DAB1: variants seen among roughly 807,000 people sequenced by gnomAD.
DAB1 encodes disabled homolog 1.
Under a neutral mutation model 64.6 loss-of-function variants are expected in DAB1, and 15 were observed. The observed-to-expected ratio is 0.23, with a 90% confidence interval of 0.16 to 0.36. The LOEUF (loss-of-function observed/expected upper bound fraction) is 0.36, where lower values mean the gene tolerates loss of function less well. DAB1 is among the 10% of genes least tolerant of loss of function. The pLI, the probability that DAB1 is intolerant of heterozygous loss-of-function variation, is 1.00. For missense variants in DAB1, 596 were observed against 706.7 expected (o/e 0.84, Z 1.78); for synonymous variants, 235 against 251.9 (o/e 0.93, Z 0.64).
intron 7 of DAB1, among the ~76,000 whole-genome samples, chr1:57,577,678 G>T (rs1462376991): frequency 6.6e-6 from 1 of 152,126 alleles, no homozygotes; most frequent in Non-Finnish European, 1.5e-5. Flanking sequence ...CCACTCTAGG[G>T]GGAGGGGTGG....
In DAB1 at chr1:57,145,320, C is replaced by T; in HGVS notation, c.177G>A (p.Lys59=). The T allele has an allele frequency of 1.2e-6, 2 of 1,614,070 alleles. No homozygotes were observed. The highest frequency in any genetic ancestry group is 1.7e-6 in the Non-Finnish European group (2 of 1,179,966). The change falls in exon 3 of 15, where the codon AAG becomes AAA. Residue 59 remains lysine (K), a synonymous_variant. Coordinates refer to ENST00000371236, the MANE Select transcript of DAB1 (RefSeq NM_001365792.1). ...IDEVSAARGD[K]LCQDSMMKLK... Reference sequence around the variant, plus strand: ...GTTTCATCATGGAATCTTGACATAACTTGTCTCCCCGAGCTGCGGAAACTT... The same window carrying T: ...GTTTCATCATGGAATCTTGACATAATTTGTCTCCCCGAGCTGCGGAAACTT...
intron 3 of DAB1, among the ~76,000 whole-genome samples, chr1:58,347,100 T>TTTG (rs1435710381): frequency 9.2e-6 from 1 of 108,186 alleles, no homozygotes; most frequent in African/African-American, 3.7e-5. Context: ...TTTTGTTTTG[T>TTTG]TTTGTTTGTT....
intron 1 of DAB1, chr1:57,878,643 A>G (rs867605840): frequency 2.0e-5 from 3 of 152,180 alleles, no homozygotes; most frequent in Admixed American, 6.6e-5. Context: ...TAGGGTATTT[A>G]GCATATTTCT....
chr1:57,982,763 G>C (rs1360927148), intron 5 of DAB1, among the ~76,000 whole-genome samples: 2 of 152,172 alleles, frequency 1.3e-5, no homozygotes, highest in Non-Finnish European at 2.9e-5. Flanking sequence ...TTTAGTTTCT[G>C]TTTTATGGCT....
intron 7 of DAB1, among the ~76,000 whole-genome samples, chr1:57,646,526 T>C (rs910935133): frequency 2.0e-5 from 3 of 152,080 alleles, no homozygotes; most frequent in African/African-American, 4.8e-5. Flanking sequence ...GATGAGAGAA[T>C]TGCTTGAACC....
chr1:57,526,933 C>G lies in DAB1; in HGVS notation n.625+122659G>C, dbSNP rs925067254. The stretch of plus-strand genomic sequence containing the variant: ...GACTATATTATGAGTATTTAATACA[C>G]ATGATACTCTCAAGGCATGGTCTTT... On this transcript the variant is annotated intron_variant and non_coding_transcript_variant, in intron 7 of 20. Transcript: ENST00000485760. Among the ~76,000 whole-genome samples the G allele has an allele frequency of 2.6e-5, 4 of 152,238 alleles. No individual in the cohort carries two copies. In the East Asian group the frequency reaches 7.7e-4, roughly 29 times the overall value.
intron 6 of DAB1, among the ~76,000 whole-genome samples, chr1:57,758,093 C>T (rs1648902154): frequency 6.6e-6 from 1 of 152,052 alleles, no homozygotes; most frequent in Non-Finnish European, 1.5e-5. Context: ...GTTTATCTGT[C>T]AAATGGGAAT....
chr1:57,471,384 A>C (rs1171118029), intron 7 of DAB1, among the ~76,000 whole-genome samples: 2 of 152,188 alleles, frequency 1.3e-5, no homozygotes, highest in African/African-American at 4.8e-5. Context: ...TTAATATATA[A>C]GTCAAAATGT....
chr1:58,068,740 T>C (rs1570308653), intron 5 of DAB1, among the ~76,000 whole-genome samples: 1 of 130,890 alleles, frequency 7.6e-6, no homozygotes. Flanking sequence ...CACTCCAGCC[T>C]GGGCAACAGA....
In DAB1 at chr1:58,283,000, C is replaced by G. The variant is rs532683298; in HGVS notation, n.309+60352G>C. On this transcript the variant is annotated intron_variant and non_coding_transcript_variant, in intron 4 of 20. Coordinates refer to the DAB1 transcript ENST00000485760. ...GGGAGTAATACGCCAGTGACCCATC[C>G]CCCCACCCCAATTGCCTTTCACTTC... Among the ~76,000 whole-genome samples the G allele has an allele frequency of 2.2e-4, 33 of 151,930 alleles. No individual in the cohort carries two copies. In the East Asian group the frequency reaches 6.2e-3, roughly 29 times the overall value.
At chr1:58,383,782 C>T (rs6664838) in intron 3 of DAB1, among the ~76,000 whole-genome samples, 13,299 of 152,116 alleles carry the variant, frequency 0.087, 679 homozygotes, top group East Asian at 0.21. Context: ...TTTCATCTGC[C>T]GATGAGCACA....
intron 4 of DAB1, among the ~76,000 whole-genome samples, chr1:58,234,281 G>A (rs954716676): frequency 6.6e-6 from 1 of 152,152 alleles, no homozygotes. Context: ...AAGGACTGGA[G>A]CTACAATAGG....
In DAB1 at chr1:58,037,128, C is replaced by T. The variant is rs531932468; in HGVS notation, n.387+113383G>A. Reference sequence around the variant, plus strand: ...CCTGCACACTGACTCCACGTATTGTCTCTCCCCCAAAGGCTAGCACCTGCA... The same window carrying T: ...CCTGCACACTGACTCCACGTATTGTTTCTCCCCCAAAGGCTAGCACCTGCA... On this transcript the variant is annotated intron_variant and non_coding_transcript_variant, in intron 5 of 20. Transcript: ENST00000485760. 7.2e-5 allele frequency among the ~76,000 whole-genome samples: 11 copies of T among 152,228 alleles called. No homozygotes were observed. In the East Asian group the frequency reaches 9.7e-4, roughly 13 times the overall value.
chr1:57,354,126 A>G (rs1323327171), intron 1 of DAB1, among the ~76,000 whole-genome samples: 1 of 152,096 alleles, frequency 6.6e-6, no homozygotes, highest in Non-Finnish European at 1.5e-5. Context: ...TTGATTTCAC[A>G]TCTGAAAATC....
chr1:57,016,835 C>T (rs1646449031), intron 11 of DAB1, among the ~76,000 whole-genome samples: 1 of 152,100 alleles, frequency 6.6e-6, no homozygotes, highest in Admixed American at 6.5e-5. Flanking sequence ...TACAACACGC[C>T]ACGTACACTA....
intron 1 of DAB1, among the ~76,000 whole-genome samples, chr1:57,361,652 CAT>C (rs1679561157): frequency 6.6e-6 from 1 of 151,964 alleles, no homozygotes; most frequent in Admixed American, 6.6e-5. Flanking sequence ...AAACTGTATA[CAT>C]ATGTCATTCA....
chr1:58,059,458 G>C (rs1648352646), intron 5 of DAB1, among the ~76,000 whole-genome samples: 1 of 152,242 alleles, frequency 6.6e-6, no homozygotes, highest in African/African-American at 2.4e-5. Flanking sequence ...AAACATGCTA[G>C]GTAATTCTGT....
chr1:57,050,471 C>T (rs527351551), intron 9 of DAB1, among the ~76,000 whole-genome samples: 2 of 152,338 alleles, frequency 1.3e-5, no homozygotes, highest in South Asian at 4.1e-4. Context: ...TATGGTCCTG[C>T]CACCTCAGAC....
intron 2 of DAB1, among the ~76,000 whole-genome samples, chr1:57,260,880 A>G (rs987095169): frequency 6.6e-6 from 1 of 152,162 alleles, no homozygotes; most frequent in African/African-American, 2.4e-5. Flanking sequence ...GCATGGAAGC[A>G]TGGTTAAAAG....
Sources: allele counts gnomAD v4.1 joint callset (sites outside exome capture counted in the v4.1 genomes callset), GRCh38; gene constraint gnomAD v4.1.1; transcripts MANE v1.5; gene names NCBI Gene and HGNC (gene_info 2026-07-23, HGNC 2026-07-21).